Variants in KLHL2 observed in about 807,000 individuals in gnomAD.
KLHL2 encodes the protein kelch-like protein 2.
Under a neutral mutation model 75.8 loss-of-function variants are expected in KLHL2, and 15 were observed. The ratio of observed to expected loss-of-function variants is 0.20; its 90% CI spans 0.13 to 0.30. KLHL2 has a LOEUF of 0.30. Ranked by LOEUF, KLHL2 falls within the 10% of genes least tolerant of loss-of-function variation. KLHL2 has a pLI of 1.00. For synonymous variants in KLHL2, 214 were observed against 251.9 expected (o/e 0.85, Z 1.42); for missense variants, 381 against 741.0 (o/e 0.51, Z 5.64).
intron 7 of KLHL2, 138 bp from the exon 8 acceptor site, chr4:165,299,368 TA>T: frequency 1.4e-6 from 1 of 702,186 alleles, no homozygotes; most frequent in Non-Finnish European, 2.1e-6. Flanking sequence ...GATGTATTTA[TA>T]AACTTTCCTC....
intron 2 of KLHL2, among the ~76,000 whole-genome samples, chr4:165,224,437 A>C (rs1484294901): frequency 6.6e-6 from 1 of 152,218 alleles, no homozygotes; most frequent in Non-Finnish European, 1.5e-5. Flanking sequence ...TATCCTGTAC[A>C]ACCCATAAAT....
rs144732945 is a variant in KLHL2, at chr4:165,294,670, T to A, written c.654+202T>A. Among the ~76,000 whole-genome samples the A allele has an allele frequency of 9.5e-3, 1,446 of 152,320 alleles. 13 individuals carry two copies. The highest frequency in any genetic ancestry group is 0.022 in the South Asian group (107 of 4,830). On this transcript the variant is annotated intron_variant, in intron 6 of 14. Transcript: ENST00000226725. The stretch of plus-strand genomic sequence containing the variant: ...AAACTCAGGACTTGTTGATTGTCTA[T>A]GTAAATTACTCCCGGTCTTCACTTT...
intron 3 of KLHL2, among the ~76,000 whole-genome samples, chr4:165,236,833 A>G (rs1297104517): frequency 6.6e-6 from 1 of 152,082 alleles, no homozygotes; most frequent in African/African-American, 2.4e-5. Context: ...CTCTGGGGAG[A>G]AAAATAATCT....
intron 1 of KLHL2, among the ~76,000 whole-genome samples, chr4:165,208,951 G>C (rs1006855439): frequency 6.6e-6 from 1 of 152,214 alleles, no homozygotes; most frequent in Non-Finnish European, 1.5e-5. Context: ...CCAAAATAAG[G>C]ATACTTGGCT....
At chr4:165,296,751 A>G (rs192937010) in intron 6 of KLHL2, among the ~76,000 whole-genome samples, 38 of 152,352 alleles carry the variant, frequency 2.5e-4, no homozygotes, top group South Asian at 1.4e-3. Flanking sequence ...AAGGCCGACT[A>G]TCTTGTTCAC....
At chr4:165,270,199 TTATTC>T (rs2126333219) in intron 5 of KLHL2, among the ~76,000 whole-genome samples, 1 of 152,288 alleles carries the variant, frequency 6.6e-6, no homozygotes, top group South Asian at 2.1e-4. Flanking sequence ...TCTACACTGT[TTATTC>T]TAGTTAGCCA....
At chr4:165,304,469 C>G (rs890083120) in intron 8 of KLHL2, among the ~76,000 whole-genome samples, 4 of 152,146 alleles carry the variant, frequency 2.6e-5, no homozygotes, top group African/African-American at 7.2e-5. Context: ...TTCTTTCTAA[C>G]ATCTATTTTT....
chr4:165,225,055 A>C (rs1005255157), intron 2 of KLHL2, among the ~76,000 whole-genome samples: 2 of 152,186 alleles, frequency 1.3e-5, no homozygotes, highest in African/African-American at 4.8e-5. Flanking sequence ...GGCATGTTTC[A>C]TACCTTTTCA....
At chr4:165,242,524 G>C (rs1739893036) in intron 4 of KLHL2, among the ~76,000 whole-genome samples, 1 of 152,092 alleles carries the variant, frequency 6.6e-6, no homozygotes. Context: ...TTGAGACAGA[G>C]TCTTGCTCTG....
At chr4:165,269,052 T>C (rs10016520) in intron 5 of KLHL2, among the ~76,000 whole-genome samples, 37,536 of 152,090 alleles carry the variant, frequency 0.25, 7,326 homozygotes, top group African/African-American at 0.55. Context: ...ATTGATCCCT[T>C]TACCATTATG....
chr4:165,255,919 A>G (rs960758249), intron 4 of KLHL2, among the ~76,000 whole-genome samples: 1 of 152,128 alleles, frequency 6.6e-6, no homozygotes, highest in African/African-American at 2.4e-5. Flanking sequence ...CCTAATAAGC[A>G]AACTGCTAAT....
chr4:165,213,953 A>G (rs184477395), intron 1 of KLHL2, among the ~76,000 whole-genome samples: 3 of 152,180 alleles, frequency 2.0e-5, no homozygotes, highest in African/African-American at 4.8e-5. Context: ...GGTAGGTGAG[A>G]TATTACTATC....
intron 5 of KLHL2, chr4:165,278,791 T>G: frequency 6.5e-7 from 1 of 1,544,906 alleles, no homozygotes. Context: ...TATTACATAG[T>G]AAGAAACATC....
chr4:165,235,092 T>C (rs1196810027), intron 3 of KLHL2, among the ~76,000 whole-genome samples: 1 of 152,246 alleles, frequency 6.6e-6, no homozygotes, highest in African/African-American at 2.4e-5. Context: ...TTGACTGAAA[T>C]CCTACATAGC....
At chr4:165,277,200 G>A (rs1430119666) in intron 5 of KLHL2, among the ~76,000 whole-genome samples, 2 of 151,828 alleles carry the variant, frequency 1.3e-5, no homozygotes, top group Admixed American at 1.3e-4. Context: ...ATTTATAAAT[G>A]GGCTACCCTC....
At chr4:165,247,460 A>G (rs1740355029) in intron 4 of KLHL2, among the ~76,000 whole-genome samples, 1 of 152,172 alleles carries the variant, frequency 6.6e-6, no homozygotes, top group Admixed American at 6.5e-5. Flanking sequence ...AATATTTTAA[A>G]GCATTTTTTA....
chr4:165,240,375 T>A (rs1656771696), intron 4 of KLHL2: 1 of 152,184 alleles, frequency 6.6e-6, no homozygotes, highest in Admixed American at 6.5e-5. Flanking sequence ...CTATCGATTG[T>A]TCCATGTGAA....
chr4:165,271,631 A>AT (rs111821259), intron 5 of KLHL2, among the ~76,000 whole-genome samples: 32,977 of 152,090 alleles, frequency 0.22, 4,066 homozygotes, highest in Non-Finnish European at 0.29. Context: ...TCCAATTTGG[A>AT]TGCCCTTTAT....
chr4:165,292,684 T>A (rs1340151657), intron 5 of KLHL2, among the ~76,000 whole-genome samples: 2 of 152,240 alleles, frequency 1.3e-5, no homozygotes, highest in East Asian at 3.8e-4. Flanking sequence ...AATGCAGGTT[T>A]TATTTTTCAA....
Sources: allele counts gnomAD v4.1 joint callset (sites outside exome capture counted in the v4.1 genomes callset), GRCh38; gene constraint gnomAD v4.1.1; transcripts MANE v1.5; gene names NCBI Gene and HGNC (gene_info 2026-07-23, HGNC 2026-07-21).